CASP6: variants seen among roughly 807,000 people sequenced by gnomAD.
The protein encoded by CASP6 is caspase 6.
Under a neutral mutation model 31.8 loss-of-function variants are expected in CASP6, and 20 were observed. That is an observed-to-expected ratio of 0.63 (90% CI 0.44 to 0.91). CASP6 has a LOEUF of 0.91. CASP6 is among the 40% of genes least tolerant of loss of function. The pLI, the probability that CASP6 is intolerant of heterozygous loss-of-function variation, is 0.00. For synonymous variants in CASP6, 130 were observed against 127.8 expected (o/e 1.02, Z -0.12); for missense variants, 328 against 361.1 (o/e 0.91, Z 0.74).
At chr4:109,684,973 A>C (rs1045262849), downstream of CASP6, 5 of 390,222 alleles carry the variant, frequency 1.3e-5, no homozygotes, top group African/African-American at 8.3e-5. Flanking sequence ...ATGGTTATTT[A>C]ATATGCCAAA....
the CASP6 span, among the ~76,000 whole-genome samples, chr4:109,664,913 T>G: frequency 6.6e-6 from 1 of 150,790 alleles, no homozygotes; most frequent in Non-Finnish European, 1.5e-5. Context: ...AGAATTCAAG[T>G]ATACATGATT....
At position 109,697,648 on chromosome 4, in the gene CASP6, G is replaced by T; in HGVS notation, c.204C>A (p.Cys68Ter). ...TGCGGGTAAGATTGTCTCTATCTGC[G>T]CAGGTGCCCCGCCTTTCTGGCAGTG... ...HLTLPERRGT[C>*]ADRDNLTRRF... Residue 68 changes from cysteine to a stop codon, truncating the protein, a stop_gained, in exon 3 of 7, where the codon TGC becomes TGA. Coordinates refer to ENST00000265164, the MANE Select transcript of CASP6 (RefSeq NM_001226.4). LOFTEE classifies it high-confidence loss of function. 1 of 1,612,292 alleles carries T rather than the reference G, an allele frequency of 6.2e-7. No homozygotes were observed. Among genetic ancestry groups the T allele is most frequent in the Non-Finnish European group, 8.5e-7 (1 of 1,179,360 alleles).
upstream of CASP6, among the ~76,000 whole-genome samples, chr4:109,705,091 T>C (rs1378433258): frequency 6.6e-6 from 1 of 152,216 alleles, no homozygotes; most frequent in African/African-American, 2.4e-5. Context: ...GAGAAGTCAA[T>C]GCCTGTCTTC....
the CASP6 span, among the ~76,000 whole-genome samples, chr4:109,681,214 T>C: frequency 1.3e-3 from 202 of 152,280 alleles, no homozygotes; most frequent in Non-Finnish European, 2.2e-3. Flanking sequence ...CCTCAGCTGA[T>C]AGAGCATCTT....
chr4:109,684,562 C>T, downstream of CASP6: 1 of 1,608,394 alleles, frequency 6.2e-7, no homozygotes, highest in Non-Finnish European at 8.5e-7. Flanking sequence ...GGGTGTACTC[C>T]TGGGATATCA....
chr4:109,697,489 A>T lies in CASP6; in HGVS notation c.230+133T>A, dbSNP rs1730281938. On this transcript the variant is annotated intron_variant, in intron 3 of 6. Coordinates refer to ENST00000265164, the MANE Select transcript of CASP6 (RefSeq NM_001226.4). ...ACTCTGTTGCCCAGACTTGTCTCAAACTCCTTGCCTTAAGTGATCCTCCCA... is the reference window on the plus strand; with the variant it reads ...ACTCTGTTGCCCAGACTTGTCTCAATCTCCTTGCCTTAAGTGATCCTCCCA... 5 of 971,034 alleles carry T rather than the reference A, an allele frequency of 5.1e-6. No individual in the cohort carries two copies. In the Admixed American group the frequency reaches 1.5e-4, roughly 30 times the overall value. 60.2% of individuals were successfully genotyped at this position (971,034 alleles called of 1,614,324 possible).
At chr4:109,703,546 T>G, upstream of CASP6, 1 of 963,396 alleles carries the variant, frequency 1.0e-6, no homozygotes, top group Non-Finnish European at 1.5e-6. Context: ...CCGCCCGGGC[T>G]CCCGTGGATC....
the CASP6 span, among the ~76,000 whole-genome samples, chr4:109,665,391 T>C: frequency 6.6e-6 from 1 of 152,188 alleles, no homozygotes; most frequent in Non-Finnish European, 1.5e-5. Context: ...TAGCCTATGG[T>C]AAAATTGGTT....
At chr4:109,694,392 ATGAT>A (rs1246981442) in intron 5 of CASP6, 129 bp downstream of exon 5, 1 of 706,318 alleles carries the variant, frequency 1.4e-6, no homozygotes, top group Non-Finnish European at 2.3e-6. Flanking sequence ...AAGTGCAACT[ATGAT>A]TGGCCAGAAT....
chr4:109,680,317 A>G, the CASP6 span, among the ~76,000 whole-genome samples: 1 of 152,158 alleles, frequency 6.6e-6, no homozygotes, highest in African/African-American at 2.4e-5. Flanking sequence ...ACATTAACCA[A>G]CTATCCACTT....
At chr4:109,694,062 G>T (rs1434576846) in intron 5 of CASP6, among the ~76,000 whole-genome samples, 1 of 152,144 alleles carries the variant, frequency 6.6e-6, no homozygotes, top group Non-Finnish European at 1.5e-5. Flanking sequence ...AAACCAATTT[G>T]GCAGCGGGGA....
At chr4:109,677,950 C>G in the CASP6 span, among the ~76,000 whole-genome samples, 1 of 151,614 alleles carries the variant, frequency 6.6e-6, no homozygotes, top group Non-Finnish European at 1.5e-5. Context: ...TTTTCCTAGG[C>G]AGAGGTCCCT....
At chr4:109,687,645 T>C, downstream of CASP6, 2 of 1,183,594 alleles carry the variant, frequency 1.7e-6, no homozygotes, top group Non-Finnish European at 2.5e-6. Context: ...ATTTTGCAAC[T>C]TAGGATGTTT....
In CASP6 at chr4:109,696,430, A is replaced by T. The variant is rs764001587; in HGVS notation, c.287T>A (p.Leu96Gln). The change falls in exon 4 of 7, where the codon CTA becomes CAA. Residue 96 changes from leucine (L) to glutamine (Q), a missense_variant. Transcript: ENST00000265164. ...KCFNDLKAEE[L>Q]LLKIHEVSTV... ...CCTACCCTCATGAATTTTGAGCAGT[A>T]GTTCTTCTGCTTTAAGATCATTAAA... is the stretch of plus-strand genomic sequence containing the variant. 6.2e-7 allele frequency: 1 copy of T among 1,612,694 alleles called. No homozygotes were observed. Among genetic ancestry groups the T allele is most frequent in the Non-Finnish European group, 8.5e-7 (1 of 1,179,408 alleles).
In CASP6 at chr4:109,688,903, A is replaced by G. The variant is rs1190358737; in HGVS notation, c.*427T>C. The G allele has an allele frequency of 7.0e-6, 1 of 142,456 alleles. No homozygotes were observed. Among genetic ancestry groups the G allele is most frequent in the Non-Finnish European group, 1.5e-5 (1 of 66,556 alleles). 8.8% of individuals were successfully genotyped at this position (142,456 alleles called of 1,614,324 possible). A position where few individuals can be genotyped will look rare whatever the true frequency, so the allele number is the denominator to read the frequency against. On this transcript the variant is annotated 3_prime_UTR_variant, in exon 7 of 7. Transcript: ENST00000265164. ...TTTTTAAGGCAGTTCTCTGCTAGGC[A>G]TTAAACTTTAAAACATTTGAATCAT...
chr4:109,689,796 T>C (rs1358328926), intron 6 of CASP6, among the ~76,000 whole-genome samples: 1 of 152,178 alleles, frequency 6.6e-6, no homozygotes, highest in Non-Finnish European at 1.5e-5. Flanking sequence ...ATTTCTTCCA[T>C]TTCCTAAAAA....
At chr4:109,692,290 AAG>A (rs2126156900) in intron 5 of CASP6, 1 of 152,312 alleles carries the variant, frequency 6.6e-6, no homozygotes, top group Non-Finnish European at 1.5e-5. Flanking sequence ...CAATAAGAGT[AAG>A]AGCGAGCCTT....
rs763401257 is a variant in CASP6, at chr4:109,703,417, A to C, written c.-22T>G. 5.6e-6 allele frequency: 9 copies of C among 1,610,476 alleles called. No homozygotes were observed. The South Asian group carries it at 8.9e-5, about 16-fold the overall frequency. On this transcript the variant is annotated 5_prime_UTR_variant, in exon 1 of 7. Transcript: ENST00000265164. ...TCATTGCAGCCAAACGCGCAGCCAGACACCTTGCCCTCCTCTTCCTGAAGC... is the reference window on the plus strand; with the variant it reads ...TCATTGCAGCCAAACGCGCAGCCAGCCACCTTGCCCTCCTCTTCCTGAAGC...
the CASP6 span, among the ~76,000 whole-genome samples, chr4:109,678,594 G>A: frequency 6.9e-6 from 1 of 145,932 alleles, no homozygotes; most frequent in South Asian, 2.2e-4. Flanking sequence ...AGACAGGGTG[G>A]CGGCCAGGCA....
Sources: allele counts gnomAD v4.1 joint callset (sites outside exome capture counted in the v4.1 genomes callset), GRCh38; gene constraint gnomAD v4.1.1; transcripts MANE v1.5; gene names NCBI Gene and HGNC (gene_info 2026-07-23, HGNC 2026-07-21).